Variants in NCOA2 observed in about 807,000 individuals in gnomAD.
NCOA2 encodes nuclear receptor coactivator 2, also known as class E basic helix-loop-helix protein 75.
NCOA2 carries 21 observed loss-of-function variants against 145.1 expected under a neutral mutation model. The ratio of observed to expected loss-of-function variants is 0.14; its 90% CI spans 0.10 to 0.21. The LOEUF (loss-of-function observed/expected upper bound fraction) is 0.21. Among genes scored for constraint, NCOA2 ranks in the 10% least tolerant of loss-of-function variants. The pLI is 1.00. For synonymous variants in NCOA2, 619 were observed against 637.5 expected, an observed-to-expected ratio of 0.97 and a Z score of 0.44; for missense variants, 1,472 against 1,837.6, an observed-to-expected ratio of 0.80 and a Z score of 3.64.
intron 1 of NCOA2, among the ~76,000 whole-genome samples, chr8:70,326,151 C>T (rs958039980): frequency 1.3e-5 from 2 of 152,128 alleles, no homozygotes; most frequent in African/African-American, 4.8e-5. Flanking sequence ...TCAATTAATA[C>T]TATTTTCAAA....
chr8:70,453,120 G>A, the NCOA2 span, among the ~76,000 whole-genome samples: 2 of 152,194 alleles, frequency 1.3e-5, no homozygotes, highest in Non-Finnish European at 1.5e-5. Flanking sequence ...TTCAGATAGA[G>A]GAGCCTATTC....
chr8:70,323,954 T>G (rs746739327), intron 1 of NCOA2, among the ~76,000 whole-genome samples: 1 of 152,066 alleles, frequency 6.6e-6, no homozygotes, highest in African/African-American at 2.4e-5. Context: ...CAGTCTGGGG[T>G]CCCATTTCCC....
chr8:70,264,178 C>T (rs1284781616), intron 2 of NCOA2, among the ~76,000 whole-genome samples: 2 of 151,440 alleles, frequency 1.3e-5, no homozygotes, highest in South Asian at 4.2e-4. Flanking sequence ...CGCCATTGCA[C>T]TCATCCAGCC....
intron 2 of NCOA2, among the ~76,000 whole-genome samples, chr8:70,238,600 G>A (rs1821858168): frequency 6.6e-6 from 1 of 152,104 alleles, no homozygotes; most frequent in Non-Finnish European, 1.5e-5. Flanking sequence ...ACAACACAAG[G>A]AAATGATCTA....
chr8:70,420,733 C>T, the NCOA2 span, among the ~76,000 whole-genome samples: 1 of 152,284 alleles, frequency 6.6e-6, no homozygotes, highest in South Asian at 2.1e-4. Context: ...CAACCTCCAC[C>T]TCCTGGTTTC....
intron 7 of NCOA2, 72 bp from the exon 8 acceptor site, chr8:70,163,638 T>C: frequency 9.1e-7 from 1 of 1,102,410 alleles, no homozygotes; most frequent in South Asian, 1.3e-5. Flanking sequence ...AGTGTATTTA[T>C]GACAGCACAG....
intron 1 of NCOA2, among the ~76,000 whole-genome samples, chr8:70,318,180 A>C (rs985627584): frequency 6.6e-6 from 1 of 152,178 alleles, no homozygotes; most frequent in African/African-American, 2.4e-5. Context: ...ATGCTTAATC[A>C]GCCCTATTTG....
intron 4 of NCOA2, among the ~76,000 whole-genome samples, chr8:70,178,632 AG>A (rs1815130507): frequency 6.6e-6 from 1 of 152,242 alleles, no homozygotes; most frequent in African/African-American, 2.4e-5. Context: ...CCCTCTGTCC[AG>A]GAGGGCAAAA....
intron 1 of NCOA2, among the ~76,000 whole-genome samples, chr8:70,377,668 T>A (rs1179437726): frequency 6.6e-6 from 1 of 152,168 alleles, no homozygotes; most frequent in Non-Finnish European, 1.5e-5. Context: ...TTAAAAAGAA[T>A]GTTTCCCATT....
At chr8:70,225,775 C>A (rs370700820) in intron 2 of NCOA2, among the ~76,000 whole-genome samples, 1 of 152,076 alleles carries the variant, frequency 6.6e-6, no homozygotes, top group African/African-American at 2.4e-5. Context: ...ATATGAAAAG[C>A]GGTACAATGT....
intron 19 of NCOA2, among the ~76,000 whole-genome samples, chr8:70,125,208 T>TAC (rs149165927): frequency 0.056 from 8,534 of 152,114 alleles, 804 homozygotes; most frequent in African/African-American, 0.2. Flanking sequence ...AATATATATA[T>TAC]ATATACACAT....
At chr8:70,297,702 T>C (rs1827192147) in intron 1 of NCOA2, among the ~76,000 whole-genome samples, 2 of 151,994 alleles carry the variant, frequency 1.3e-5, no homozygotes, top group Non-Finnish European at 2.9e-5. Context: ...AAAAGGTGAA[T>C]AAGAAAAGGA....
chr8:70,186,685 T>C (rs988046294), intron 4 of NCOA2, among the ~76,000 whole-genome samples: 2 of 152,238 alleles, frequency 1.3e-5, no homozygotes, highest in African/African-American at 4.8e-5. Flanking sequence ...AAACCTGATA[T>C]GTATTTACAG....
chr8:70,305,525 A>G (rs1008216340), intron 1 of NCOA2, among the ~76,000 whole-genome samples: 1 of 152,242 alleles, frequency 6.6e-6, no homozygotes, highest in Non-Finnish European at 1.5e-5. Flanking sequence ...CAAAAAACTT[A>G]AAACGGACCC....
At chr8:70,135,183 C>T (rs539196872) in intron 15 of NCOA2, among the ~76,000 whole-genome samples, 10 of 152,216 alleles carry the variant, frequency 6.6e-5, no homozygotes, top group Admixed American at 5.2e-4. Flanking sequence ...TGACATTTAC[C>T]CCATCCTTCC....
At position 70,148,416 on chromosome 8, in the gene NCOA2, A is replaced by G. The variant is rs766096829; in HGVS notation, c.2462T>C (p.Leu821Pro). The stretch of plus-strand genomic sequence containing the variant: ...GGCGCCTGGCCTCGTGTCTGGGAAA[A>G]GCTGTGGTAATTGACTATTCTGCAA... ...DDLQNSQLPQ[L>P]FPDTRPGAPA... The change falls in exon 12 of 23, where the codon CTT becomes CCT. Residue 821 changes from leucine (L) to proline (P), a missense_variant. Physicochemically the swap from Leu to Pro is moderately conservative, Grantham distance 98 (BLOSUM62 -3). Coordinates refer to ENST00000452400, the MANE Select transcript of NCOA2 (RefSeq NM_006540.4). 1.2e-6 allele frequency: 2 copies of G among 1,613,812 alleles called. No individual in the cohort carries two copies. The highest frequency in any genetic ancestry group is 2.7e-5 in the African/African-American group (2 of 74,916).
At chr8:70,365,112 C>T (rs1392994803) in intron 1 of NCOA2, among the ~76,000 whole-genome samples, 2 of 152,078 alleles carry the variant, frequency 1.3e-5, no homozygotes, top group Non-Finnish European at 2.9e-5. Context: ...GAGGGTGCAT[C>T]ACTTGAATTC....
At chr8:70,253,025 G>T (rs1243085792) in intron 2 of NCOA2, among the ~76,000 whole-genome samples, 21 of 152,168 alleles carry the variant, frequency 1.4e-4, no homozygotes, top group Admixed American at 9.8e-4. Context: ...TTTGAATGAG[G>T]TTTATTTCTT....
At chr8:70,159,242 A>ATATATATATATATATTTTTT in intron 10 of NCOA2, among the ~76,000 whole-genome samples, 4 of 61,076 alleles carry the variant, frequency 6.5e-5, no homozygotes, top group African/African-American at 2.2e-4. Flanking sequence ...ATATATATAT[A>ATATATATATATATATTTTTT]TTTTTTTTTT....
Sources: allele counts gnomAD v4.1 joint callset (sites outside exome capture counted in the v4.1 genomes callset), GRCh38; gene constraint gnomAD v4.1.1; transcripts MANE v1.5; gene names NCBI Gene and HGNC (gene_info 2026-07-23, HGNC 2026-07-21).